Variants in PARP4 observed in about 807,000 individuals in gnomAD.
The protein encoded by PARP4 is poly(ADP-ribose) polymerase family member 4.
Under a neutral mutation model 187.7 loss-of-function variants are expected in PARP4, and 120 were observed. That is an observed-to-expected ratio of 0.64 (90% CI 0.55 to 0.74). The LOEUF is 0.74. PARP4 is among the 30% of genes least tolerant of loss of function. The pLI, the probability that PARP4 is intolerant of heterozygous loss-of-function variation, is 0.00. For missense variants in PARP4, 1,836 were observed against 2,070.5 expected (o/e 0.89, Z 2.20); for synonymous variants, 654 against 740.9 (o/e 0.88, Z 1.90).
intron 17 of PARP4, among the ~76,000 whole-genome samples, chr13:24,465,224 G>A (rs1362613127): frequency 6.6e-6 from 1 of 152,184 alleles, no homozygotes; most frequent in Non-Finnish European, 1.5e-5. Flanking sequence ...GTGGAAGACA[G>A]TGTGGGTCTT....
intron 30 of PARP4, among the ~76,000 whole-genome samples, chr13:24,440,397 CA>C (rs34174938): frequency 0.43 from 38,279 of 88,928 alleles, 5,135 homozygotes; most frequent in Middle Eastern, 0.5. Flanking sequence ...GACTCTATCT[CA>C]AAAAAAAAAA....
intron 24 of PARP4, among the ~76,000 whole-genome samples, chr13:24,451,338 G>T (rs1302980062): frequency 1.3e-5 from 2 of 152,194 alleles, no homozygotes; most frequent in African/African-American, 4.8e-5. Flanking sequence ...TTTCTTCATT[G>T]GCCTGTGATG....
intron 18 of PARP4, among the ~76,000 whole-genome samples, 153 bp downstream of exon 18, chr13:24,459,819 A>G (rs1187689708): frequency 2.0e-5 from 3 of 152,194 alleles, no homozygotes; most frequent in Admixed American, 2.0e-4. Flanking sequence ...TTTTATACAC[A>G]TAATGTATCT....
intron 9 of PARP4, 127 bp downstream of exon 9, chr13:24,492,294 A>G: frequency 1.6e-6 from 1 of 631,448 alleles, no homozygotes. Context: ...TGGTTCAACA[A>G]TTTATTTTCT....
chr13:24,496,280 G>A (rs530612565), intron 6 of PARP4, among the ~76,000 whole-genome samples: 128 of 152,264 alleles, frequency 8.4e-4, no homozygotes, highest in Middle Eastern at 6.8e-3. Context: ...CAGGGTACAA[G>A]GGTAACAAAA....
Position 24,501,730 on chromosome 13 carries a change from T to C in PARP4, c.237A>G (p.Lys79=). 6.2e-7 allele frequency: 1 copy of C among 1,612,150 alleles called. No individual in the cohort carries two copies. Among genetic ancestry groups the C allele is most frequent in the Non-Finnish European group, 8.5e-7 (1 of 1,178,180 alleles). The change falls in exon 3 of 34, where the codon AAA becomes AAG. Residue 79 remains lysine, a synonymous_variant. Coordinates refer to ENST00000381989, the MANE Select transcript of PARP4 (RefSeq NM_006437.4). ...CCAAGAGTCTCTTTTCCCTGATAGATTTCCATATAAAATCTGGGTTTGCAA... is the reference window on the plus strand; with the variant it reads ...CCAAGAGTCTCTTTTCCCTGATAGACTTCCATATAAAATCTGGGTTTGCAA... ...VHIANPDFIW[K]SIREKRLLDV...
chr13:24,490,190 T>C (rs55991110), intron 10 of PARP4, among the ~76,000 whole-genome samples: 1 of 152,094 alleles, frequency 6.6e-6, no homozygotes, highest in African/African-American at 2.4e-5. Flanking sequence ...ATGTTTGTTG[T>C]TACTGGAGAA....
rs891862932 is a variant in PARP4 at position 24,452,463 on chromosome 13, G to A, written c.2957C>T (p.Thr986Ile). ...SDGHLQDESL[T>I]LQLVKRSRPH... ...GCGGCTCCTCTTCACGAGCTGTAAT[G>A]TCAGGCTCTCATCCTGGAGGTGCCC... Residue 986 changes from threonine to isoleucine, a missense_variant, in exon 24 of 34, where the codon ACA (threonine) becomes ATA (isoleucine). By Grantham distance (89) the Thr-to-Ile change is moderately conservative. Coordinates refer to ENST00000381989, the MANE Select transcript of PARP4 (RefSeq NM_006437.4). The A allele has an allele frequency of 1.4e-5, 23 of 1,614,032 alleles. No individual in the cohort carries two copies. The highest frequency in any genetic ancestry group is 6.7e-5 in the Admixed American group (4 of 60,002).
chr13:24,456,331 A>G lies in PARP4; in HGVS notation c.2562+10T>C. The stretch of plus-strand genomic sequence containing the variant: ...TAGTGTCTCCTATGTCTAAGTAAAA[A>G]GGAGTATACCTCGCTTTCTTTTTCT... On this transcript the variant is annotated intron_variant, in intron 21 of 33. Coordinates refer to ENST00000381989, the MANE Select transcript of PARP4 (RefSeq NM_006437.4). The G allele has an allele frequency of 6.3e-7, 1 of 1,591,770 alleles. No individual in the cohort carries two copies. The highest frequency in any genetic ancestry group is 8.6e-7 in the Non-Finnish European group (1 of 1,163,584).
At chr13:24,471,783 G>A (rs1173524679) in intron 15 of PARP4, among the ~76,000 whole-genome samples, 1 of 152,168 alleles carries the variant, frequency 6.6e-6, no homozygotes, top group East Asian at 1.9e-4. Flanking sequence ...AAGGCATGGA[G>A]GACACACGCC....
At chr13:24,466,931 C>T (rs955996552) in intron 17 of PARP4, among the ~76,000 whole-genome samples, 11 of 151,720 alleles carry the variant, frequency 7.3e-5, no homozygotes, top group Admixed American at 1.3e-4. Context: ...TAGAAAACAA[C>T]TAGCAAGAGG....
chr13:24,460,493 T>TGGGTGGGCTCTGCTGCAC (rs869204510), intron 17 of PARP4, among the ~76,000 whole-genome samples: 25 of 113,430 alleles, frequency 2.2e-4, no homozygotes, highest in African/African-American at 8.1e-4. Flanking sequence ...CTCTGCTGCA[T>TGGGTGGGCTCTGCTGCAC]GGGTGGGCTC....
intron 22 of PARP4, among the ~76,000 whole-genome samples, chr13:24,454,500 C>A (rs1871715772): frequency 6.6e-6 from 1 of 152,186 alleles, no homozygotes; most frequent in Non-Finnish European, 1.5e-5. Context: ...GAGGGTGGTA[C>A]TACCTCCCTT....
intron 28 of PARP4, among the ~76,000 whole-genome samples, chr13:24,443,133 A>C (rs915707904): frequency 2.0e-5 from 3 of 149,758 alleles, no homozygotes; most frequent in Non-Finnish European, 4.4e-5. Context: ...TGGGGATGGC[A>C]TTGAGGACTA....
In PARP4 at chr13:24,469,082, T is replaced by A; in HGVS notation, c.2075A>T (p.Glu692Val). The stretch of plus-strand genomic sequence containing the variant: ...GCCCTGGGTCACGGCTTCTAGGTAC[T>A]CTTGCTGGGCTTCTTCCTTCTCTTT... ...EIKEKEEAQQEYLEAVTQGHG... is the reference protein window; with the variant it reads ...EIKEKEEAQQVYLEAVTQGHG... The change falls in exon 17 of 34, where the codon GAG (glutamate) becomes GTG (valine). Residue 692 changes from glutamate (E) to valine (V), a missense_variant. By Grantham distance (121) the Glu-to-Val change is moderately radical. Transcript: ENST00000381989. 1.9e-6 allele frequency: 3 copies of A among 1,613,570 alleles called. No individual in the cohort carries two copies. Among genetic ancestry groups the A allele is most frequent in the Non-Finnish European group, 2.5e-6 (3 of 1,179,452 alleles).
rs943027323 is a variant in PARP4, at chr13:24,478,026, G to A, written c.1632+67C>T. The A allele has an allele frequency of 3.2e-6, 4 of 1,260,734 alleles. No homozygotes were observed. The African/African-American group carries it at 4.6e-5, about 14-fold the overall frequency. 78.1% of individuals were successfully genotyped at this position (1,260,734 alleles called of 1,614,324 possible). ...TTAAGCATATTTAATGAAAATAGGA[G>A]CAAAAAACTAAGGCCTTTCTTTGAG... On this transcript the variant is annotated intron_variant, in intron 13 of 33. Coordinates refer to ENST00000381989, the MANE Select transcript of PARP4 (RefSeq NM_006437.4).
intron 24 of PARP4, among the ~76,000 whole-genome samples, chr13:24,450,301 A>G (rs546188402): frequency 1.1e-3 from 163 of 149,922 alleles, no homozygotes; most frequent in Middle Eastern, 6.8e-3. Flanking sequence ...CATCTCTGAC[A>G]TTTAAATGAC....
chr13:24,436,646 T>C (rs1220503216), intron 30 of PARP4, among the ~76,000 whole-genome samples: 1 of 152,082 alleles, frequency 6.6e-6, no homozygotes, highest in Non-Finnish European at 1.5e-5. Context: ...ATAATTATAC[T>C]AGAACATGAA....
rs1870946635 is a variant in PARP4, at chr13:24,441,900, G to A, written c.3612C>T (p.Asp1204=). Residue 1204 remains aspartate (D), a synonymous_variant, in exon 30 of 34, where the codon GAC becomes GAT. Transcript: ENST00000381989. ...VSELIAKEDV[D]FLPYMSWQGE... is the part of the protein sequence containing the mutation. ...CCTGCCAGCTCATGTAGGGCAGGAA[G>A]TCTACATCTTCTTTGGCAATAAGTT... 1.9e-6 allele frequency: 3 copies of A among 1,610,284 alleles called. No individual in the cohort carries two copies. The highest frequency in any genetic ancestry group is 1.3e-5 in the African/African-American group (1 of 74,624).
Sources: allele counts gnomAD v4.1 joint callset (sites outside exome capture counted in the v4.1 genomes callset), GRCh38; gene constraint gnomAD v4.1.1; transcripts MANE v1.5; gene names NCBI Gene and HGNC (gene_info 2026-07-23, HGNC 2026-07-21).